The following SOX5 variants were observed in gnomAD, a reference collection of about 807,000 sequenced individuals.
SOX5 encodes the protein transcription factor SOX-5.
Under a neutral mutation model 92.0 loss-of-function variants are expected in SOX5, and 9 were observed. The observed-to-expected ratio is 0.10, with a 90% CI of 0.06 to 0.17. SOX5 has a LOEUF of 0.17. SOX5 is among the 10% of genes least tolerant of loss of function. The pLI is 1.00. For synonymous variants in SOX5, 344 were observed against 336.3 expected (o/e 1.02, Z -0.25); for missense variants, 642 against 944.5 (o/e 0.68, Z 4.20).
chr12:24,249,670 A>G (rs1298055412), intron 3 of SOX5, among the ~76,000 whole-genome samples: 1 of 152,202 alleles, frequency 6.6e-6, no homozygotes, highest in African/African-American at 2.4e-5. Flanking sequence ...AGAGGGTGAG[A>G]TCCCAGGCCA....
chr12:24,192,398 G>A (rs1368940355), intron 4 of SOX5, among the ~76,000 whole-genome samples: 8 of 148,846 alleles, frequency 5.4e-5, no homozygotes, highest in African/African-American at 7.7e-5. Flanking sequence ...GAATATAATA[G>A]GATAACTACT....
At chr12:24,250,468 G>A (rs1939802043) in intron 3 of SOX5, among the ~76,000 whole-genome samples, 1 of 152,182 alleles carries the variant, frequency 6.6e-6, no homozygotes, top group Non-Finnish European at 1.5e-5. Flanking sequence ...AATACCAGCA[G>A]GAGGAGAAAA....
chr12:23,923,274 G>C (rs1938961216), intron 1 of SOX5, among the ~76,000 whole-genome samples: 1 of 144,938 alleles, frequency 6.9e-6, no homozygotes, highest in Non-Finnish European at 1.5e-5. Flanking sequence ...TAAAGGATGA[G>C]GTTAAACCAC....
rs567701839 is a variant in SOX5 at position 23,917,863 on chromosome 12, T to C, written c.39-21839A>G. On this transcript the variant is annotated intron_variant, in intron 1 of 14. Coordinates refer to ENST00000451604, the MANE Select transcript of SOX5 (RefSeq NM_006940.6). ...GAATGTAATGGGTCTCATTTAAAAG[T>C]ACAACATGTTGGGAAATGGAAATTA... Among the ~76,000 whole-genome samples the C allele has an allele frequency of 9.2e-5, 14 of 152,300 alleles. No individual in the cohort carries two copies. In the East Asian group the frequency reaches 2.3e-3, roughly 25 times the overall value.
intron 2 of SOX5, among the ~76,000 whole-genome samples, chr12:23,878,560 T>A (rs1422113281): frequency 6.6e-6 from 1 of 152,110 alleles, no homozygotes; most frequent in Non-Finnish European, 1.5e-5. Context: ...TTTTTACCTT[T>A]CTTTTACTTT....
chr12:24,134,357 T>A (rs957243996), intron 4 of SOX5, among the ~76,000 whole-genome samples: 1 of 152,204 alleles, frequency 6.6e-6, no homozygotes, highest in African/African-American at 2.4e-5. Context: ...TGAAAAAGCC[T>A]GCCATCAGGA....
chr12:24,144,151 T>C (rs752518639), intron 4 of SOX5, among the ~76,000 whole-genome samples: 3 of 150,810 alleles, frequency 2.0e-5, no homozygotes, highest in Non-Finnish European at 4.4e-5. Flanking sequence ...TCAGAAACAA[T>C]GCAAGCAAGC....
At chr12:24,186,439 G>A (rs139166714) in intron 4 of SOX5, among the ~76,000 whole-genome samples, 259 of 152,150 alleles carry the variant, frequency 1.7e-3, no homozygotes, top group Non-Finnish European at 3.0e-3. Flanking sequence ...GGATTTGATA[G>A]TTCACTCAAC....
In SOX5 at chr12:23,614,361, A is replaced by G. The variant is rs550802181; in HGVS notation, c.1018-9828T>C. Among the ~76,000 whole-genome samples, 179 of 152,290 alleles carry G rather than the reference A, an allele frequency of 1.2e-3. 2 individuals are homozygous for G. Among genetic ancestry groups the G allele is most frequent in the African/African-American group, 4.2e-3 (176 of 41,574 alleles). Reference sequence around the variant, plus strand: ...ACATTCCTTTTACTTCTCTTTGGCCAGATGTGAGGTAAAGCTATTTTGTTG... The same window carrying G: ...ACATTCCTTTTACTTCTCTTTGGCCGGATGTGAGGTAAAGCTATTTTGTTG... On this transcript the variant is annotated intron_variant, in intron 8 of 14. Transcript: ENST00000451604.
rs910559914 is a variant in SOX5, at chr12:24,040,883, C to CA, written c.-1-144860dup. On this transcript the variant is annotated intron_variant, in intron 4 of 4. Transcript: ENST00000446891. ...GCAAGACGCTGTCTCAAGGAAAAAA[C>CA]AAAAAAAAAATTCATTTAATGGTAG... Among the ~76,000 whole-genome samples, 567 of 147,802 alleles carry CA rather than the reference C, an allele frequency of 3.8e-3. 4 individuals are homozygous for CA. Among genetic ancestry groups the CA allele is most frequent in the South Asian group, 0.011 (52 of 4,690 alleles).
intron 1 of SOX5, among the ~76,000 whole-genome samples, chr12:24,432,381 C>A (rs576945993): frequency 6.6e-6 from 1 of 151,998 alleles, no homozygotes; most frequent in African/African-American, 2.4e-5. Context: ...TGAAAAGCCC[C>A]CAATAAAAGT....
At chr12:24,448,649 T>C (rs963718073) in intron 1 of SOX5, among the ~76,000 whole-genome samples, 1 of 152,226 alleles carries the variant, frequency 6.6e-6, no homozygotes, top group African/African-American at 2.4e-5. Context: ...GGTATTTCTA[T>C]ACCTTATTCA....
chr12:24,553,089 C>T (rs1360973174), intron 1 of SOX5, among the ~76,000 whole-genome samples: 1 of 152,156 alleles, frequency 6.6e-6, no homozygotes, highest in Admixed American at 6.5e-5. Context: ...AAAGACATAG[C>T]TTTCAATAAC....
At chr12:24,189,164 G>A (rs755289409) in intron 4 of SOX5, among the ~76,000 whole-genome samples, 3 of 152,078 alleles carry the variant, frequency 2.0e-5, no homozygotes, top group Admixed American at 1.3e-4. Context: ...ACGGCTGTTA[G>A]AACTTGAATG....
At chr12:24,093,479 C>A (rs1387337238) in intron 4 of SOX5, among the ~76,000 whole-genome samples, 2 of 150,640 alleles carry the variant, frequency 1.3e-5, no homozygotes, top group African/African-American at 4.9e-5. Flanking sequence ...GCCAAGATCG[C>A]GCCACTGCAC....
chr12:24,314,224 T>C (rs534321316), intron 2 of SOX5, among the ~76,000 whole-genome samples: 139 of 152,214 alleles, frequency 9.1e-4, no homozygotes, highest in Non-Finnish European at 1.7e-3. Flanking sequence ...GTTCTTGCGA[T>C]AGTTTGCTGA....
intron 3 of SOX5, chr12:24,227,543 C>T (rs575777784): frequency 6.6e-6 from 1 of 152,284 alleles, no homozygotes; most frequent in East Asian, 1.9e-4. Context: ...ACTGTTAATA[C>T]CAGGTTTTAA....
chr12:23,849,009 C>T (rs762001563), intron 2 of SOX5, among the ~76,000 whole-genome samples: 3 of 152,160 alleles, frequency 2.0e-5, no homozygotes, highest in Non-Finnish European at 4.4e-5. Context: ...CTTTTTAAAA[C>T]TGAATTCTTG....
chr12:23,718,854 C>T (rs967449204), intron 6 of SOX5, among the ~76,000 whole-genome samples: 6 of 152,064 alleles, frequency 3.9e-5, no homozygotes, highest in Admixed American at 2.6e-4. Flanking sequence ...CAATTCCAAA[C>T]GGTTCTCAAT....
Sources: gnomAD v4.1 joint callset for allele counts (sites outside exome capture counted in the v4.1 genomes callset) on GRCh38, gnomAD v4.1.1 for gene constraint, MANE v1.5 for transcripts, NCBI Gene and HGNC (gene_info 2026-07-23, HGNC 2026-07-21) for gene names.